ADAM9: variants seen among roughly 807,000 people sequenced by gnomAD.
The protein encoded by ADAM9 is disintegrin and metalloproteinase domain-containing protein 9.
ADAM9 carries 54 observed loss-of-function variants against 108.1 expected under a neutral mutation model. That is an observed-to-expected ratio of 0.50 (90% CI 0.40 to 0.63). ADAM9 has a LOEUF of 0.63. ADAM9 is among the 20% of genes least tolerant of loss of function. The pLI, the probability that ADAM9 is intolerant of heterozygous loss-of-function variation, is 0.00. For missense variants in ADAM9, 830 were observed against 997.7 expected (o/e 0.83, Z 2.26); for synonymous variants, 316 against 336.0 (o/e 0.94, Z 0.65).
chr8:39,013,090 C>T (rs146361445), intron 3 of ADAM9, among the ~76,000 whole-genome samples: 244 of 152,292 alleles, frequency 1.6e-3, no homozygotes, highest in African/African-American at 5.3e-3. Flanking sequence ...ACAGCTGCTC[C>T]AGTCCTGCTG....
chr8:39,091,333 C>T lies in ADAM9; in HGVS notation c.2285C>T (p.Pro762Leu). ...SVPRHVSPVT[P>L]PREVPIYANR... ...CCTCGACATGTTTCTCCAGTGACAC[C>T]TCCCAGAGAAGTTGTAAGTATAAAA... The change falls in exon 20 of 22, where the codon CCT becomes CTT. Residue 762 changes from proline to leucine, a missense_variant. This residue lies in a region of ADAM9 where 238 missense variants were observed against 235.7 expected (regional missense o/e 1.01). Transcript: ENST00000487273. 6.2e-7 allele frequency: 1 copy of T among 1,613,850 alleles called. No homozygotes were observed. The highest frequency in any genetic ancestry group is 8.5e-7 in the Non-Finnish European group (1 of 1,179,800).
At position 39,072,510 on chromosome 8, in the gene ADAM9, G is replaced by A. The variant is rs576176056; in HGVS notation, c.1697+1107G>A. On this transcript the variant is annotated intron_variant, in intron 15 of 21. Transcript: ENST00000487273. The stretch of plus-strand genomic sequence containing the variant: ...AAACCTCTTTTTTTTTGGTGATTGT[G>A]TAGGGTGTTCTTCTTCTCCCCTGAC... Among the ~76,000 whole-genome samples the A allele has an allele frequency of 8.5e-5, 13 of 152,208 alleles. No homozygotes were observed. The South Asian group carries it at 1.7e-3, about 19-fold the overall frequency.
In ADAM9 at chr8:39,012,789, C is replaced by T. The variant is rs1836398549; in HGVS notation, c.254+1073C>T. Among the ~76,000 whole-genome samples the T allele has an allele frequency of 2.0e-5, 3 of 152,004 alleles. No homozygotes were observed. In the South Asian group the frequency reaches 6.2e-4, roughly 32 times the overall value. On this transcript the variant is annotated intron_variant, in intron 3 of 21. Transcript: ENST00000487273. ...GGAAGGGGAACATCACACACCAGGGCCTGTCGTGGGGTAGGGGGAGTGGGG... is the reference window on the plus strand; with the variant it reads ...GGAAGGGGAACATCACACACCAGGGTCTGTCGTGGGGTAGGGGGAGTGGGG...
chr8:39,094,701 G>A (rs1234852851), intron 20 of ADAM9, among the ~76,000 whole-genome samples: 4 of 151,948 alleles, frequency 2.6e-5, no homozygotes, highest in African/African-American at 9.7e-5. Context: ...CAATTTGTTG[G>A]TGTATGATTG....
At chr8:39,069,558 G>C (rs1032282714) in intron 14 of ADAM9, among the ~76,000 whole-genome samples, 1 of 151,924 alleles carries the variant, frequency 6.6e-6, no homozygotes, top group Non-Finnish European at 1.5e-5. Flanking sequence ...ATCAAATTTG[G>C]CCCTTAAAAA....
At chr8:39,002,554 C>G (rs1836033420) in intron 1 of ADAM9, among the ~76,000 whole-genome samples, 1 of 151,530 alleles carries the variant, frequency 6.6e-6, no homozygotes, top group African/African-American at 2.4e-5. Context: ...AATTCCTGAC[C>G]TCGTGATCCG....
At position 39,017,426 on chromosome 8, in the gene ADAM9, A is replaced by T. The variant is rs1489625474; in HGVS notation, c.606+12A>T. The T allele has an allele frequency of 6.2e-7, 1 of 1,611,702 alleles. No individual in the cohort carries two copies. Among genetic ancestry groups the T allele is most frequent in the Admixed American group, 1.7e-5 (1 of 59,908 alleles). On this transcript the variant is annotated intron_variant, in intron 6 of 21. Coordinates refer to ENST00000487273, the MANE Select transcript of ADAM9 (RefSeq NM_003816.3). ...CTCAGCTACTTCGAGTAAGGAAATAACATAATTCTTCATGGCTCAGACTAC... is the reference window on the plus strand; with the variant it reads ...CTCAGCTACTTCGAGTAAGGAAATATCATAATTCTTCATGGCTCAGACTAC...
chr8:39,069,886 A>C (rs1478995671), intron 14 of ADAM9, among the ~76,000 whole-genome samples: 2 of 151,382 alleles, frequency 1.3e-5, no homozygotes, highest in African/African-American at 4.9e-5. Flanking sequence ...TGTGCATATG[A>C]GTGTATAATA....
At chr8:39,050,315 A>G (rs1037403878) in intron 12 of ADAM9, among the ~76,000 whole-genome samples, 1 of 152,150 alleles carries the variant, frequency 6.6e-6, no homozygotes, top group Non-Finnish European at 1.5e-5. Context: ...AGATTTGGGA[A>G]AATTTCAACC....
chr8:39,042,184 G>A (rs1172749700), intron 12 of ADAM9, 67 bp downstream of exon 12: 3 of 1,571,112 alleles, frequency 1.9e-6, no homozygotes, highest in Non-Finnish European at 8.8e-7. Context: ...AAAATGGCTT[G>A]CTTTGGGCAA....
chr8:39,048,758 C>A (rs968646827), intron 12 of ADAM9, among the ~76,000 whole-genome samples: 13 of 152,084 alleles, frequency 8.5e-5, no homozygotes, highest in Non-Finnish European at 1.9e-4. Context: ...TGCTCTAATG[C>A]TGGGTGCATA....
chr8:39,037,340 C>G (rs1291083043), intron 11 of ADAM9, among the ~76,000 whole-genome samples: 2 of 149,960 alleles, frequency 1.3e-5, no homozygotes, highest in African/African-American at 4.9e-5. Flanking sequence ...TAAGCCACCA[C>G]GCCCGGCCTG....
intron 14 of ADAM9, among the ~76,000 whole-genome samples, chr8:39,059,404 T>G (rs1434051354): frequency 2.1e-5 from 2 of 97,256 alleles, no homozygotes; most frequent in African/African-American, 8.3e-5. Flanking sequence ...TACTGGAGAA[T>G]TTGGGCACTT....
At chr8:39,056,301 G>A (rs1038879035) in intron 14 of ADAM9, among the ~76,000 whole-genome samples, 13 of 152,050 alleles carry the variant, frequency 8.5e-5, no homozygotes, top group African/African-American at 2.7e-4. Flanking sequence ...GAACAAATAA[G>A]GACTGTTCCC....
intron 4 of ADAM9, chr8:39,014,715 C>T (rs532432918): frequency 2.3e-5 from 13 of 554,838 alleles, no homozygotes; most frequent in African/African-American, 1.9e-4. Flanking sequence ...ATTCCCATTA[C>T]ATGTGTATGT....
In ADAM9 at chr8:39,103,707, T is replaced by A; in HGVS notation, c.*7T>A. 6.2e-7 allele frequency: 1 copy of A among 1,612,588 alleles called. No individual in the cohort carries two copies. The highest frequency in any genetic ancestry group is 1.7e-4 in the Middle Eastern group (1 of 6,058). ...ATATAGTTCCCTCACTTGATTTTTTTAACCTTCTTTTTGCAAATGTCTTCA... is the reference window on the plus strand; with the variant it reads ...ATATAGTTCCCTCACTTGATTTTTTAAACCTTCTTTTTGCAAATGTCTTCA... On this transcript the variant is annotated 3_prime_UTR_variant, in exon 22 of 22. Coordinates refer to ENST00000487273, the MANE Select transcript of ADAM9 (RefSeq NM_003816.3).
intron 1 of ADAM9, among the ~76,000 whole-genome samples, chr8:38,998,211 G>C (rs1747577204): frequency 6.6e-6 from 1 of 152,156 alleles, no homozygotes; most frequent in Non-Finnish European, 1.5e-5. Context: ...ATCTTTGGCT[G>C]CTTTATTTGA....
chr8:39,050,008 A>G lies in ADAM9; in HGVS notation c.1303-4473A>G, dbSNP rs183634060. 3.3e-5 allele frequency among the ~76,000 whole-genome samples: 5 copies of G among 152,210 alleles called. No homozygotes were observed. In the East Asian group the frequency reaches 7.7e-4, roughly 23 times the overall value. ...CTAGAAAAGTCTTAATGTCTTCTTCATTTTTAAAGGATAGTTTTGCCAGAT... is the reference window on the plus strand; with the variant it reads ...CTAGAAAAGTCTTAATGTCTTCTTCGTTTTTAAAGGATAGTTTTGCCAGAT... On this transcript the variant is annotated intron_variant, in intron 12 of 21. Coordinates refer to ENST00000487273, the MANE Select transcript of ADAM9 (RefSeq NM_003816.3).
At chr8:39,011,580 T>C in intron 2 of ADAM9, 78 bp from the exon 3 acceptor site, 1 of 1,309,854 alleles carries the variant, frequency 7.6e-7, no homozygotes, top group Non-Finnish European at 1.1e-6. Flanking sequence ...TGGAATTTCC[T>C]GCATCTTATA....
Sources: allele counts gnomAD v4.1 joint callset (sites outside exome capture counted in the v4.1 genomes callset), GRCh38; gene constraint gnomAD v4.1.1; regional missense constraint gnomAD v4.1.1; transcripts MANE v1.5; gene names NCBI Gene and HGNC (gene_info 2026-07-23, HGNC 2026-07-21).